Variants in ABTB3 observed in about 807,000 individuals in gnomAD.
ABTB3 encodes ankyrin repeat- and BTB/POZ domain-containing protein 3.
the ABTB3 span, among the ~76,000 whole-genome samples, chr12:107,619,370 C>T: frequency 1.3e-5 from 2 of 152,178 alleles, no homozygotes; most frequent in Non-Finnish European, 2.9e-5. Flanking sequence ...TGATGAAGTA[C>T]CTGCAGATGG....
chr12:107,612,445 G>A, the ABTB3 span, among the ~76,000 whole-genome samples: 1 of 152,232 alleles, frequency 6.6e-6, no homozygotes, highest in Non-Finnish European at 1.5e-5. Context: ...GGCTGATATT[G>A]CAGAATCAAT....
At chr12:107,441,038 G>A in the ABTB3 span, among the ~76,000 whole-genome samples, 19 of 152,264 alleles carry the variant, frequency 1.2e-4, no homozygotes, top group Admixed American at 1.2e-3. Context: ...TAGTTGAAAT[G>A]CCCGAGCCTG....
chr12:107,516,685 C>T, the ABTB3 span, among the ~76,000 whole-genome samples: 54 of 152,226 alleles, frequency 3.5e-4, no homozygotes, highest in South Asian at 4.4e-3. Context: ...GCAGTGGGGA[C>T]GAGAGCAGGA....
At chr12:107,572,178 A>C in the ABTB3 span, among the ~76,000 whole-genome samples, 8 of 152,108 alleles carry the variant, frequency 5.3e-5, no homozygotes, top group African/African-American at 1.7e-4. Flanking sequence ...CTTGACACAA[A>C]GAAGGAGAAA....
At chr12:107,441,774 C>CAAAAAAAAAAAAAAAAAAAAAAAAAAA in the ABTB3 span, among the ~76,000 whole-genome samples, 91 of 80,020 alleles carry the variant, frequency 1.1e-3, 4 homozygotes, top group African/African-American at 4.9e-3. Flanking sequence ...CTTGTCTCTA[C>CAAAAAAAAAAAAAAAAAAAAAAAAAAA]AAAAAAAAAA....
the ABTB3 span, among the ~76,000 whole-genome samples, chr12:107,508,015 T>C: frequency 6.6e-6 from 1 of 152,182 alleles, no homozygotes; most frequent in Admixed American, 6.5e-5. Context: ...TAATTTTCAT[T>C]GAAGTCCTAA....
the ABTB3 span, among the ~76,000 whole-genome samples, chr12:107,551,209 G>T: frequency 1.3e-5 from 2 of 152,192 alleles, no homozygotes; most frequent in African/African-American, 4.8e-5. Flanking sequence ...GCCCAGCCCA[G>T]GGCTAATGGC....
At chr12:107,435,152 T>A in the ABTB3 span, among the ~76,000 whole-genome samples, 1 of 152,202 alleles carries the variant, frequency 6.6e-6, no homozygotes, top group South Asian at 2.1e-4. Context: ...TAATTAAACA[T>A]ACATGCCTCT....
chr12:107,418,128 A>T, the ABTB3 span, among the ~76,000 whole-genome samples: 2 of 152,218 alleles, frequency 1.3e-5, no homozygotes, highest in African/African-American at 4.8e-5. Flanking sequence ...GGGCTGGGAA[A>T]GGCAGACCCA....
chr12:107,625,914 A>T, the ABTB3 span, among the ~76,000 whole-genome samples: 1 of 152,160 alleles, frequency 6.6e-6, no homozygotes, highest in Non-Finnish European at 1.5e-5. Flanking sequence ...TTTGCTGGCA[A>T]GGTGAGTCCA....
chr12:107,527,678 G>T, the ABTB3 span, among the ~76,000 whole-genome samples: 1 of 152,116 alleles, frequency 6.6e-6, no homozygotes, highest in Non-Finnish European at 1.5e-5. Context: ...TTAATGAATG[G>T]CAAGCTTCCA....
At chr12:107,656,097 G>A in the ABTB3 span, among the ~76,000 whole-genome samples, 1 of 148,398 alleles carries the variant, frequency 6.7e-6, no homozygotes, top group South Asian at 2.1e-4. Flanking sequence ...AGACCAGCCT[G>A]AGCAACATAG....
the ABTB3 span, among the ~76,000 whole-genome samples, chr12:107,409,038 G>C: frequency 2.0e-5 from 3 of 152,238 alleles, no homozygotes; most frequent in Admixed American, 2.0e-4. Flanking sequence ...AGGGACTTCT[G>C]AGTGGATCTT....
chr12:107,324,476 TAAATAAAATA>T, the ABTB3 span, among the ~76,000 whole-genome samples: 2 of 152,176 alleles, frequency 1.3e-5, no homozygotes, highest in East Asian at 1.9e-4. Flanking sequence ...AAAAAATAAA[TAAATAAAATA>T]AAATAAAATA....
At chr12:107,360,102 C>G in the ABTB3 span, among the ~76,000 whole-genome samples, 8 of 152,144 alleles carry the variant, frequency 5.3e-5, no homozygotes, top group African/African-American at 1.9e-4. Context: ...AAACCCCATG[C>G]TGGTAAGAAT....
the ABTB3 span, among the ~76,000 whole-genome samples, chr12:107,359,018 G>T: frequency 1.3e-5 from 2 of 152,216 alleles, no homozygotes; most frequent in African/African-American, 2.4e-5. Context: ...TTATGTTCTG[G>T]CAGGTTGCGG....
chr12:107,645,772 G>A, the ABTB3 span, among the ~76,000 whole-genome samples: 1 of 152,232 alleles, frequency 6.6e-6, no homozygotes, highest in Admixed American at 6.5e-5. Flanking sequence ...CATGGGAAAC[G>A]GCAGTCCCCG....
chr12:107,373,735 G>T, the ABTB3 span, among the ~76,000 whole-genome samples: 1 of 152,184 alleles, frequency 6.6e-6, no homozygotes, highest in Non-Finnish European at 1.5e-5. Context: ...GTGATGGAGG[G>T]GACCCTGGAG....
chr12:107,571,752 C>G, the ABTB3 span, among the ~76,000 whole-genome samples: 1 of 152,232 alleles, frequency 6.6e-6, no homozygotes, highest in East Asian at 1.9e-4. Flanking sequence ...CAGGTTCCTG[C>G]CACAGAGGCC....
Sources: gnomAD v4.1 joint callset for allele counts (sites outside exome capture counted in the v4.1 genomes callset) on GRCh38, gnomAD v4.1.1 for gene constraint, MANE v1.5 for transcripts, NCBI Gene and HGNC (gene_info 2026-07-23, HGNC 2026-07-21) for gene names.